ERC2: variants seen among roughly 807,000 people sequenced by gnomAD.
The protein encoded by ERC2 is ELKS/RAB6-interacting/CAST family member 2, also known as ERC protein 2.
In ERC2, 42 loss-of-function variants were observed where a neutral mutation model predicts 114.8. The ratio of observed to expected loss-of-function variants is 0.37; its 90% CI spans 0.29 to 0.47. The LOEUF (loss-of-function observed/expected upper bound fraction) is 0.47. Among genes scored for constraint, ERC2 ranks in the 20% least tolerant of loss-of-function variants. The pLI is 0.99. For synonymous variants in ERC2, 454 were observed against 425.5 expected (o/e 1.07, Z -0.82); for missense variants, 939 against 1,150.7 (o/e 0.82, Z 2.66).
At chr3:55,660,483 C>T (rs955368080) in intron 17 of ERC2, among the ~76,000 whole-genome samples, 1 of 146,244 alleles carries the variant, frequency 6.8e-6, no homozygotes, top group Non-Finnish European at 1.5e-5. Context: ...GCGGGGGTGG[C>T]GTGGGAGTCT....
chr3:55,912,861 A>G (rs1199769443), intron 13 of ERC2, among the ~76,000 whole-genome samples: 1 of 152,228 alleles, frequency 6.6e-6, no homozygotes, highest in Non-Finnish European at 1.5e-5. Flanking sequence ...AATCACAAGC[A>G]CAAACCCAGG....
At chr3:56,067,866 A>C (rs1414760127) in intron 7 of ERC2, among the ~76,000 whole-genome samples, 1 of 152,238 alleles carries the variant, frequency 6.6e-6, no homozygotes, top group Non-Finnish European at 1.5e-5. Flanking sequence ...ATGTTGAACC[A>C]GACTTGCATC....
At chr3:55,956,205 G>C (rs2067941460) in intron 12 of ERC2, among the ~76,000 whole-genome samples, 1 of 152,166 alleles carries the variant, frequency 6.6e-6, no homozygotes, top group African/African-American at 2.4e-5. Flanking sequence ...AATGCTTTAT[G>C]TCACACATTT....
At chr3:56,347,354 G>C (rs1031167774) in intron 2 of ERC2, among the ~76,000 whole-genome samples, 2 of 152,010 alleles carry the variant, frequency 1.3e-5, no homozygotes, top group African/African-American at 4.8e-5. Context: ...CCACATCTCT[G>C]CTTTGTCAGC....
At chr3:55,969,904 A>G (rs1055412021) in intron 12 of ERC2, among the ~76,000 whole-genome samples, 1 of 152,202 alleles carries the variant, frequency 6.6e-6, no homozygotes, top group Non-Finnish European at 1.5e-5. Context: ...TACCCTGAGC[A>G]TTTAAATGGG....
chr3:56,217,163 T>C (rs1560397049), intron 3 of ERC2, among the ~76,000 whole-genome samples: 1 of 152,106 alleles, frequency 6.6e-6, no homozygotes, highest in Admixed American at 6.5e-5. Flanking sequence ...GAGAAGGAAA[T>C]AAAGGGTATT....
chr3:56,365,069 T>C (rs553080101), intron 2 of ERC2, among the ~76,000 whole-genome samples: 1 of 152,348 alleles, frequency 6.6e-6, no homozygotes, highest in Non-Finnish European at 1.5e-5. Context: ...TTACATGAAG[T>C]GTTTAAAACA....
intron 2 of ERC2, among the ~76,000 whole-genome samples, chr3:56,324,502 C>T (rs780234348): frequency 1.4e-4 from 21 of 152,164 alleles, no homozygotes; most frequent in Admixed American, 1.1e-3. Flanking sequence ...AGCCTACAGT[C>T]GGGCAATGCA....
At chr3:56,126,771 GA>G (rs777465158) in intron 6 of ERC2, among the ~76,000 whole-genome samples, 37 of 125,208 alleles carry the variant, frequency 3.0e-4, no homozygotes, top group Non-Finnish European at 4.3e-4. Flanking sequence ...AAGAAGGAAG[GA>G]AGGAAAGAAA....
At chr3:56,101,378 T>C (rs2078345508) in intron 6 of ERC2, among the ~76,000 whole-genome samples, 1 of 118,638 alleles carries the variant, frequency 8.4e-6, no homozygotes, top group African/African-American at 3.4e-5. Context: ...AACATCCACA[T>C]ACGTGCTTCA....
intron 15 of ERC2, among the ~76,000 whole-genome samples, chr3:55,702,113 T>A (rs1037271493): frequency 2.0e-5 from 3 of 152,218 alleles, no homozygotes; most frequent in African/African-American, 7.2e-5. Context: ...CATAAAAGAA[T>A]GTACAAGCTA....
At chr3:56,216,090 A>C (rs1205501076) in intron 3 of ERC2, among the ~76,000 whole-genome samples, 1 of 152,214 alleles carries the variant, frequency 6.6e-6, no homozygotes, top group African/African-American at 2.4e-5. Context: ...AGAACTAGAG[A>C]AGCAAGAGCA....
chr3:56,132,515 A>G (rs1399889254), intron 6 of ERC2, among the ~76,000 whole-genome samples: 2 of 152,170 alleles, frequency 1.3e-5, no homozygotes, highest in African/African-American at 4.8e-5. Flanking sequence ...CTTCTGTTAA[A>G]AATTCATTTA....
intron 13 of ERC2, among the ~76,000 whole-genome samples, chr3:55,941,320 C>A (rs1341699243): frequency 2.6e-5 from 4 of 152,106 alleles, no homozygotes; most frequent in Non-Finnish European, 5.9e-5. Flanking sequence ...CCTTCAGGAC[C>A]AAGACAGTCT....
intron 3 of ERC2, among the ~76,000 whole-genome samples, chr3:56,204,669 C>G (rs2048608577): frequency 6.6e-6 from 1 of 151,470 alleles, no homozygotes; most frequent in African/African-American, 2.4e-5. Context: ...TGCCCAGCTA[C>G]TTTTTGTATG....
chr3:56,289,815 A>T (rs2054964888), intron 3 of ERC2, among the ~76,000 whole-genome samples: 2 of 152,238 alleles, frequency 1.3e-5, no homozygotes, highest in Non-Finnish European at 2.9e-5. Flanking sequence ...CCCAAGAAGC[A>T]GTAGCATGCA....
At chr3:56,126,217 AT>A (rs916232502) in intron 6 of ERC2, among the ~76,000 whole-genome samples, 9 of 152,312 alleles carry the variant, frequency 5.9e-5, no homozygotes, top group African/African-American at 2.2e-4. Context: ...GCCAAGTTTC[AT>A]TTTTTAAAAT....
At chr3:55,538,174 C>T (rs2054121896) in intron 17 of ERC2, among the ~76,000 whole-genome samples, 1 of 152,238 alleles carries the variant, frequency 6.6e-6, no homozygotes, top group Admixed American at 6.5e-5. Flanking sequence ...CTGAATTTCA[C>T]ATCAACCCGT....
chr3:55,714,659 G>GTATATATATATATA (rs1559538570), intron 15 of ERC2, among the ~76,000 whole-genome samples: 3 of 70,858 alleles, frequency 4.2e-5, no homozygotes, highest in African/African-American at 2.2e-4. Flanking sequence ...GTGTGTGTGT[G>GTATATATATATATA]TGTGTGTGTA....
Sources: allele counts gnomAD v4.1 joint callset (sites outside exome capture counted in the v4.1 genomes callset), GRCh38; gene constraint gnomAD v4.1.1; transcripts MANE v1.5; gene names NCBI Gene and HGNC (gene_info 2026-07-23, HGNC 2026-07-21).